ESRRG: variants seen among roughly 807,000 people sequenced by gnomAD.
ESRRG encodes estrogen related receptor gamma, also known as estrogen-related receptor gamma.
ESRRG carries 13 observed loss-of-function variants against 44.0 expected under a neutral mutation model. That is an observed-to-expected ratio of 0.30 (90% CI 0.19 to 0.47). The LOEUF is 0.47. ESRRG is among the 20% of genes least tolerant of loss of function. The pLI is 1.00. For synonymous variants in ESRRG, 215 were observed against 214.6 expected (o/e 1.00, Z -0.02); for missense variants, 395 against 580.6 (o/e 0.68, Z 3.29).
intron 2 of ESRRG, among the ~76,000 whole-genome samples, chr1:216,840,446 T>C (rs2095634303): frequency 6.6e-6 from 1 of 152,200 alleles, no homozygotes; most frequent in Admixed American, 6.5e-5. Context: ...TCTTTCTCCA[T>C]ATCACTAATG....
In ESRRG at chr1:216,512,243, A is replaced by T. The variant is rs192467382; in HGVS notation, c.1133-5060T>A. ...CACTTATAGGTGCCATAGGGATAGA[A>T]CCTGAGTCTGATTAAGTCTCGGGAT... On this transcript the variant is annotated intron_variant, in intron 6 of 6. Transcript: ENST00000408911. 4.4e-3 allele frequency among the ~76,000 whole-genome samples: 665 copies of T among 152,300 alleles called. 3 individuals are homozygous for T. The highest frequency in any genetic ancestry group is 0.031 in the Middle Eastern group (9 of 294).
intron 3 of ESRRG, among the ~76,000 whole-genome samples, chr1:216,569,775 T>C (rs973666996): frequency 7.9e-5 from 12 of 152,194 alleles, no homozygotes; most frequent in South Asian, 4.1e-4. Context: ...TCAAACTGTT[T>C]AGGAAATAGA....
At chr1:217,065,271 C>T (rs1362756368) in intron 1 of ESRRG, among the ~76,000 whole-genome samples, 1 of 152,192 alleles carries the variant, frequency 6.6e-6, no homozygotes, top group African/African-American at 2.4e-5. Context: ...CTAGCTATGA[C>T]AAACTTAATT....
At chr1:216,907,216 T>C (rs1307743332) in intron 2 of ESRRG, among the ~76,000 whole-genome samples, 2 of 152,142 alleles carry the variant, frequency 1.3e-5, no homozygotes, top group Non-Finnish European at 2.9e-5. Context: ...CTGCACCTGT[T>C]CACCTGATGG....
At chr1:216,926,331 G>A (rs1211519595) in intron 2 of ESRRG, among the ~76,000 whole-genome samples, 4 of 151,676 alleles carry the variant, frequency 2.6e-5, no homozygotes, top group Admixed American at 6.6e-5. Flanking sequence ...GGAGACAGAG[G>A]ACTTGTTCCC....
At chr1:217,055,466 A>G (rs2086890083) in intron 1 of ESRRG, among the ~76,000 whole-genome samples, 1 of 152,138 alleles carries the variant, frequency 6.6e-6, no homozygotes, top group Non-Finnish European at 1.5e-5. Context: ...CAGGAAAAAA[A>G]CTGCAACCAC....
upstream of ESRRG, chr1:216,723,523 C>G (rs1307105462): frequency 3.8e-6 from 2 of 526,974 alleles, no homozygotes; most frequent in Non-Finnish European, 6.7e-6. Flanking sequence ...CCCAGCCGCG[C>G]AGCCGATTGG....
chr1:216,681,104 G>A (rs939281896), intron 1 of ESRRG, among the ~76,000 whole-genome samples: 3 of 152,062 alleles, frequency 2.0e-5, no homozygotes, highest in Admixed American at 2.0e-4. Flanking sequence ...AAATATGTGG[G>A]AAATATTTAT....
chr1:216,784,346 A>G (rs2094045505), intron 2 of ESRRG, among the ~76,000 whole-genome samples: 1 of 152,088 alleles, frequency 6.6e-6, no homozygotes, highest in South Asian at 2.1e-4. Context: ...AAAATAAGTT[A>G]TACGCAGAGG....
intron 2 of ESRRG, among the ~76,000 whole-genome samples, chr1:216,886,855 C>T (rs1333667435): frequency 6.6e-6 from 1 of 152,126 alleles, no homozygotes; most frequent in Non-Finnish European, 1.5e-5. Flanking sequence ...TCCCAAATAG[C>T]TGGGACTACG....
At chr1:216,920,419 T>TGTGC (rs1491124506) in intron 2 of ESRRG, among the ~76,000 whole-genome samples, 40 of 57,028 alleles carry the variant, frequency 7.0e-4, no homozygotes, top group African/African-American at 2.0e-3. Flanking sequence ...TGTGTGTGTG[T>TGTGC]GCGCATATTT....
chr1:216,908,036 C>T (rs898497097), intron 2 of ESRRG, among the ~76,000 whole-genome samples: 3 of 152,154 alleles, frequency 2.0e-5, no homozygotes, highest in Admixed American at 2.0e-4. Flanking sequence ...AAAGGCTCAC[C>T]ATTAAAATTC....
At chr1:217,000,093 T>A (rs1293319365) in intron 1 of ESRRG, among the ~76,000 whole-genome samples, 3 of 152,244 alleles carry the variant, frequency 2.0e-5, no homozygotes, top group Non-Finnish European at 4.4e-5. Context: ...CAAGATTTTT[T>A]ACATGTAAAA....
intron 3 of ESRRG, among the ~76,000 whole-genome samples, chr1:216,625,684 C>T (rs2063075140): frequency 1.3e-5 from 2 of 152,144 alleles, no homozygotes; most frequent in Non-Finnish European, 2.9e-5. Flanking sequence ...CTTTTAACTT[C>T]TGTGTCTTCG....
chr1:216,796,541 G>A (rs984290411), intron 2 of ESRRG, among the ~76,000 whole-genome samples: 2 of 152,170 alleles, frequency 1.3e-5, no homozygotes, highest in Admixed American at 6.6e-5. Context: ...ACCAGCATTT[G>A]AGCGGCTTCT....
At chr1:216,716,933 G>A (rs1347995179) in intron 1 of ESRRG, among the ~76,000 whole-genome samples, 1 of 151,776 alleles carries the variant, frequency 6.6e-6, no homozygotes, top group Non-Finnish European at 1.5e-5. Flanking sequence ...TAACTGACCA[G>A]AAGGAAGCCA....
intron 2 of ESRRG, among the ~76,000 whole-genome samples, chr1:216,731,986 T>C (rs17629008): frequency 4.6e-5 from 7 of 152,032 alleles, no homozygotes; most frequent in Admixed American, 3.3e-4. Flanking sequence ...AAACAAAGAA[T>C]TGAAATTTAA....
chr1:216,574,171 G>C (rs1558583588), intron 3 of ESRRG, among the ~76,000 whole-genome samples: 1 of 152,046 alleles, frequency 6.6e-6, no homozygotes, highest in Non-Finnish European at 1.5e-5. Flanking sequence ...TGTGTAGACT[G>C]CCATTATCTT....
At chr1:216,723,565 G>C (rs1466938048), upstream of ESRRG, 1 of 491,430 alleles carries the variant, frequency 2.0e-6, no homozygotes, top group Non-Finnish European at 3.6e-6. Context: ...GGGAGGCGAC[G>C]GGAGGCTGCA....
Sources: allele counts gnomAD v4.1 joint callset (sites outside exome capture counted in the v4.1 genomes callset), GRCh38; gene constraint gnomAD v4.1.1; transcripts MANE v1.5; gene names NCBI Gene and HGNC (gene_info 2026-07-23, HGNC 2026-07-21).